Variants in RBFOX1 observed in about 807,000 individuals in gnomAD.
RBFOX1 encodes RNA binding fox-1 homolog 1, also known as RNA binding protein fox-1 homolog 1.
Under a neutral mutation model 57.7 loss-of-function variants are expected in RBFOX1, and 8 were observed. The observed-to-expected ratio is 0.14, with a 90% confidence interval of 0.08 to 0.25. The LOEUF (loss-of-function observed/expected upper bound fraction) is 0.25. Ranked by LOEUF, RBFOX1 falls within the 10% of genes least tolerant of loss-of-function variation. The pLI, the probability that RBFOX1 is intolerant of heterozygous loss-of-function variation, is 1.00. For missense variants in RBFOX1, 611 were observed against 548.5 expected, an observed-to-expected ratio of 1.11 and a Z score of -1.14; for synonymous variants, 326 against 222.4, an observed-to-expected ratio of 1.47 and a Z score of -4.15.
At chr16:6,789,940 C>T (rs1363152490) in intron 3 of RBFOX1, among the ~76,000 whole-genome samples, 1 of 151,602 alleles carries the variant, frequency 6.6e-6, no homozygotes, top group South Asian at 2.1e-4. Flanking sequence ...TATTCTCTTC[C>T]CTAACTTATT....
intron 4 of RBFOX1, among the ~76,000 whole-genome samples, chr16:5,875,652 A>G (rs1017157793): frequency 3.9e-5 from 6 of 152,320 alleles, no homozygotes; most frequent in East Asian, 3.9e-4. Context: ...AGAAGTATCA[A>G]CTAGAACCAA....
intron 1 of RBFOX1, among the ~76,000 whole-genome samples, chr16:5,379,876 T>A (rs1596749510): frequency 2.0e-5 from 3 of 152,202 alleles, no homozygotes; most frequent in African/African-American, 7.2e-5. Context: ...GGTCATTTTT[T>A]AGGTCCTTTT....
chr16:7,466,478 C>G (rs1031677356), intron 4 of RBFOX1, among the ~76,000 whole-genome samples: 15 of 152,210 alleles, frequency 9.9e-5, no homozygotes, highest in Admixed American at 7.9e-4. Flanking sequence ...AAAAGTCACC[C>G]CAGGTCCTAG....
intron 3 of RBFOX1, among the ~76,000 whole-genome samples, chr16:6,856,680 T>G (rs146142091): frequency 1.6e-3 from 241 of 152,246 alleles, no homozygotes; most frequent in African/African-American, 5.3e-3. Context: ...CTTCAAGATG[T>G]TACAAATTCC....
At chr16:6,948,865 C>T (rs2080117851) in intron 3 of RBFOX1, among the ~76,000 whole-genome samples, 1 of 152,110 alleles carries the variant, frequency 6.6e-6, no homozygotes, top group Non-Finnish European at 1.5e-5. Flanking sequence ...CGTCTATAAA[C>T]CGATTACAGT....
At chr16:6,987,651 GC>G (rs1182128275) in intron 3 of RBFOX1, among the ~76,000 whole-genome samples, 3 of 152,114 alleles carry the variant, frequency 2.0e-5, no homozygotes, top group Non-Finnish European at 4.4e-5. Flanking sequence ...CATGACTGGG[GC>G]CTCCACTGAC....
At chr16:7,293,669 A>G (rs1401586895) in intron 4 of RBFOX1, among the ~76,000 whole-genome samples, 1 of 152,074 alleles carries the variant, frequency 6.6e-6, no homozygotes, top group African/African-American at 2.4e-5. Context: ...AATCCTAGAG[A>G]TTGTCTGTTT....
At position 6,241,161 on chromosome 16, in the gene RBFOX1, G is replaced by C. The variant is rs370865705; in HGVS notation, c.-126-75834G>C. On this transcript the variant is annotated intron_variant, in intron 1 of 15. Coordinates refer to ENST00000550418, the MANE Select transcript of RBFOX1 (RefSeq NM_018723.4). ...GTAGAGGAAAGCCCAGCACCCCAAC[G>C]CCCCTGCCAGAGATAAAAATAAGCG... Among the ~76,000 whole-genome samples, 45 of 152,256 alleles carry C rather than the reference G, an allele frequency of 3.0e-4. 1 individual carries two copies. Among genetic ancestry groups the C allele is most frequent in the African/African-American group, 1.0e-3 (43 of 41,562 alleles).
chr16:6,466,634 T>C (rs1395007255), intron 2 of RBFOX1, among the ~76,000 whole-genome samples: 2 of 152,128 alleles, frequency 1.3e-5, no homozygotes, highest in South Asian at 2.1e-4. Context: ...GAATGGCAAA[T>C]AGAGGGATAA....
chr16:7,596,555 T>C (rs1232142659), intron 8 of RBFOX1, among the ~76,000 whole-genome samples: 1 of 152,124 alleles, frequency 6.6e-6, no homozygotes, highest in Non-Finnish European at 1.5e-5. Context: ...ATCTGCCGTT[T>C]CACGTATTTA....
chr16:5,464,215 A>G (rs1478733919), intron 1 of RBFOX1, among the ~76,000 whole-genome samples: 2 of 152,226 alleles, frequency 1.3e-5, no homozygotes, highest in African/African-American at 2.4e-5. Flanking sequence ...AGAGGCCAAG[A>G]GGATGGTCCG....
Position 7,412,473 on chromosome 16 carries a change from C to T in RBFOX1, c.28-105674C>T, listed in dbSNP as rs571504364. ...GTGGAGTACATGGAAATTCTCTGTACAAACTTCACAACATTTCTGTAAATC... is the reference window on the plus strand; with the variant it reads ...GTGGAGTACATGGAAATTCTCTGTATAAACTTCACAACATTTCTGTAAATC... On this transcript the variant is annotated intron_variant, in intron 4 of 15. Transcript: ENST00000550418. Among the ~76,000 whole-genome samples, 151 of 150,438 alleles carry T rather than the reference C, an allele frequency of 1.0e-3. 4 individuals are homozygous for T. In the South Asian group the frequency reaches 0.031, roughly 31 times the overall value.
intron 4 of RBFOX1, among the ~76,000 whole-genome samples, chr16:5,983,431 A>T (rs1249854401): frequency 2.0e-5 from 3 of 152,162 alleles, no homozygotes; most frequent in Non-Finnish European, 4.4e-5. Flanking sequence ...GAGTGTGTGA[A>T]GGAAAGGAGA....
intron 3 of RBFOX1, among the ~76,000 whole-genome samples, chr16:5,831,391 A>G (rs1362901188): frequency 6.6e-6 from 1 of 151,982 alleles, no homozygotes; most frequent in Non-Finnish European, 1.5e-5. Context: ...CCTTGAGTAA[A>G]AGCTCCCCTG....
chr16:7,371,487 C>T (rs183175448), intron 4 of RBFOX1, among the ~76,000 whole-genome samples: 1 of 152,162 alleles, frequency 6.6e-6, no homozygotes, highest in Non-Finnish European at 1.5e-5. Flanking sequence ...CGGTGGCTCA[C>T]GCCTGTAATC....
At chr16:5,536,826 T>A (rs1192699610) in intron 2 of RBFOX1, among the ~76,000 whole-genome samples, 1 of 152,098 alleles carries the variant, frequency 6.6e-6, no homozygotes, top group African/African-American at 2.4e-5. Flanking sequence ...GGGGAGTTGG[T>A]CAACAGACAG....
intron 2 of RBFOX1, among the ~76,000 whole-genome samples, chr16:6,402,017 C>T (rs542078419): frequency 8.6e-5 from 13 of 151,322 alleles, no homozygotes; most frequent in African/African-American, 3.2e-4. Context: ...CCTCTGGCCC[C>T]AACCGTGATA....
At chr16:6,437,958 G>T (rs928357004) in intron 2 of RBFOX1, among the ~76,000 whole-genome samples, 1 of 152,114 alleles carries the variant, frequency 6.6e-6, no homozygotes, top group Admixed American at 6.6e-5. Flanking sequence ...TGCCAATGAG[G>T]CTCTTCTGAT....
intron 4 of RBFOX1, among the ~76,000 whole-genome samples, chr16:7,189,013 C>A (rs146278964): frequency 1.3e-5 from 2 of 152,086 alleles, no homozygotes; most frequent in Non-Finnish European, 2.9e-5. Flanking sequence ...AGAGGCAAGT[C>A]AAGACCTTAA....
Sources: gnomAD v4.1 joint callset for allele counts (sites outside exome capture counted in the v4.1 genomes callset) on GRCh38, gnomAD v4.1.1 for gene constraint, MANE v1.5 for transcripts, NCBI Gene and HGNC (gene_info 2026-07-23, HGNC 2026-07-21) for gene names.